Variants in SYMPK observed in about 807,000 individuals in gnomAD.
SYMPK encodes symplekin scaffold protein.
SYMPK carries 49 observed loss-of-function variants against 136.4 expected under a neutral mutation model. The ratio of observed to expected loss-of-function variants is 0.36; its 90% CI spans 0.29 to 0.46. The LOEUF (loss-of-function observed/expected upper bound fraction) is 0.46. SYMPK is among the 20% of genes least tolerant of loss of function. The probability of loss-of-function intolerance (pLI) is 1.00; values close to 1 mark genes in which losing one functional copy is unlikely to be tolerated. For missense variants in SYMPK, 1,365 were observed against 1,690.0 expected, an observed-to-expected ratio of 0.81 and a Z score of 3.37; for synonymous variants, 766 against 713.0, an observed-to-expected ratio of 1.07 and a Z score of -1.19.
intron 1 of SYMPK, among the ~76,000 whole-genome samples, chr19:45,857,125 A>G (rs1164897953): frequency 6.6e-6 from 1 of 150,470 alleles, no homozygotes; most frequent in Non-Finnish European, 1.5e-5. Context: ...AAAACAAAAC[A>G]AGGCTGGGTG....
At chr19:45,827,660 C>T in intron 15 of SYMPK, 37 bp from the exon 16 acceptor site, 1 of 1,575,434 alleles carries the variant, frequency 6.3e-7, no homozygotes, top group Non-Finnish European at 8.7e-7. Context: ...CTCAGCCCAC[C>T]TGAGTGTGCC....
chr19:45,850,494 T>A (rs1039556547), intron 5 of SYMPK, among the ~76,000 whole-genome samples: 1 of 152,130 alleles, frequency 6.6e-6, no homozygotes, highest in Non-Finnish European at 1.5e-5. Flanking sequence ...AATAAACAAA[T>A]GAGCAAGTGA....
Position 45,818,162 on chromosome 19 carries a change from G to C in SYMPK, c.2894-16C>G. The C allele has an allele frequency of 9.2e-6, 14 of 1,529,870 alleles. No individual in the cohort carries two copies. Among genetic ancestry groups the C allele is most frequent in the Non-Finnish European group, 1.2e-5 (14 of 1,133,350 alleles). 94.8% of individuals were successfully genotyped at this position (1,529,870 alleles called of 1,614,324 possible). A position where few individuals can be genotyped will look rare whatever the true frequency, so the allele number is the denominator to read the frequency against. On this transcript the variant is annotated splice_polypyrimidine_tract_variant and intron_variant, in intron 22 of 26. Coordinates refer to ENST00000245934, the MANE Select transcript of SYMPK (RefSeq NM_004819.3). ...AGGTTGGTGGCTGCGAGGAGGCGGAGAGTGGGCCTGTCCTCTCTGCCCAGC... is the reference window on the plus strand; with the variant it reads ...AGGTTGGTGGCTGCGAGGAGGCGGACAGTGGGCCTGTCCTCTCTGCCCAGC...
intron 16 of SYMPK, among the ~76,000 whole-genome samples, chr19:45,827,068 A>G (rs1157042154): frequency 2.6e-5 from 4 of 151,932 alleles, no homozygotes; most frequent in Non-Finnish European, 4.4e-5. Flanking sequence ...CTCCCTCCCC[A>G]GGGCAGCCAC....
intron 9 of SYMPK, among the ~76,000 whole-genome samples, chr19:45,840,893 A>G (rs1971420262): frequency 6.6e-6 from 1 of 152,142 alleles, no homozygotes; most frequent in South Asian, 2.1e-4. Flanking sequence ...ATGAAAGTAA[A>G]TGAAACTAAA....
chr19:45,827,195 G>A lies in SYMPK; in HGVS notation c.2181+315C>T, dbSNP rs114376716. On this transcript the variant is annotated intron_variant, in intron 16 of 26. Coordinates refer to ENST00000245934, the MANE Select transcript of SYMPK (RefSeq NM_004819.3). Reference sequence around the variant, plus strand: ...GCCCCGGCACAGGACTGGGCTGCACGAGGAGCCTGTGCTGGCCACCACGGG... The same window carrying A: ...GCCCCGGCACAGGACTGGGCTGCACAAGGAGCCTGTGCTGGCCACCACGGG... Among the ~76,000 whole-genome samples, 932 of 152,326 alleles carry A rather than the reference G, an allele frequency of 6.1e-3. 10 individuals carry two copies. The highest frequency in any genetic ancestry group is 0.019 in the African/African-American group (799 of 41,572).
chr19:45,848,929 A>G (rs1414858004), intron 5 of SYMPK, 53 bp from the exon 6 acceptor site: 1 of 1,610,432 alleles, frequency 6.2e-7, no homozygotes, highest in South Asian at 1.1e-5. Flanking sequence ...TAGAGCAAGT[A>G]GGAGGAGCCT....
chr19:45,840,312 C>CAAAAAAAA (rs546768442), intron 9 of SYMPK, among the ~76,000 whole-genome samples: 4 of 57,144 alleles, frequency 7.0e-5, no homozygotes, highest in East Asian at 3.4e-4. Context: ...GAGACTGTCT[C>CAAAAAAAA]AAAAAAAAAA....
intron 14 of SYMPK, 170 bp from the exon 15 acceptor site, chr19:45,828,088 C>T (rs1044837753): frequency 2.8e-5 from 17 of 598,258 alleles, no homozygotes; most frequent in African/African-American, 1.3e-4. Flanking sequence ...CAAAAGCTGG[C>T]GGCTGGATGA....
intron 5 of SYMPK, among the ~76,000 whole-genome samples, chr19:45,850,934 A>AG (rs145752515): frequency 0.14 from 21,656 of 151,776 alleles, 1,624 homozygotes; most frequent in South Asian, 0.18. Flanking sequence ...GAGGGAAGGG[A>AG]GGGGAGAGCC....
chr19:45,847,293 G>A (rs115177954), intron 7 of SYMPK, among the ~76,000 whole-genome samples: 21,620 of 151,778 alleles, frequency 0.14, 1,614 homozygotes, highest in South Asian at 0.18. Flanking sequence ...GTATGGTGGC[G>A]GGAGCCTGTA....
At chr19:45,860,506 GAGAA>G (rs1220852639) in intron 1 of SYMPK, among the ~76,000 whole-genome samples, 7 of 150,868 alleles carry the variant, frequency 4.6e-5, no homozygotes, top group East Asian at 1.9e-4. Context: ...GAGAGAGAAA[GAGAA>G]AGAGAGAGAG....
chr19:45,862,719 G>A (rs1972001127), intron 1 of SYMPK, among the ~76,000 whole-genome samples: 1 of 152,234 alleles, frequency 6.6e-6, no homozygotes, highest in Admixed American at 6.5e-5. Context: ...GATGTTGCAG[G>A]CAGAAGGGAC....
chr19:45,854,056 G>A, intron 3 of SYMPK, 119 bp downstream of exon 3: 1 of 970,576 alleles, frequency 1.0e-6, no homozygotes, highest in Non-Finnish European at 1.6e-6. Context: ...ACTGAGCACT[G>A]TGGCCGGCAC....
At chr19:45,817,292 A>G (rs1171764054) in intron 23 of SYMPK, among the ~76,000 whole-genome samples, 1 of 151,982 alleles carries the variant, frequency 6.6e-6, no homozygotes, top group Admixed American at 6.6e-5. Context: ...CCAGGGGGCG[A>G]AATTACCCCT....
chr19:45,817,693 T>A (rs545495085), intron 23 of SYMPK, among the ~76,000 whole-genome samples: 1 of 152,170 alleles, frequency 6.6e-6, no homozygotes, highest in Non-Finnish European at 1.5e-5. Flanking sequence ...CACACAGCGG[T>A]GGAGGGTGAG....
At chr19:45,830,340 G>T in intron 12 of SYMPK, 136 bp from the exon 13 acceptor site, 1 of 1,003,278 alleles carries the variant, frequency 1.0e-6, no homozygotes, top group Non-Finnish European at 1.4e-6. Context: ...CAGTTCCTCT[G>T]TGTCTCTGAG....
At chr19:45,818,244 C>T in intron 22 of SYMPK, 98 bp from the exon 23 acceptor site, 3 of 1,277,244 alleles carry the variant, frequency 2.3e-6, no homozygotes, top group Non-Finnish European at 3.2e-6. Flanking sequence ...GAGGGGAAGA[C>T]TTCTAAAGCC....
intron 25 of SYMPK, 71 bp from the exon 26 acceptor site, chr19:45,816,254 C>A (rs1970734607): frequency 8.1e-7 from 1 of 1,233,272 alleles, no homozygotes; most frequent in Non-Finnish European, 1.1e-6. Context: ...AGAGAAGGAA[C>A]CACCCTGAGG....
Sources: gnomAD v4.1 joint callset for allele counts (sites outside exome capture counted in the v4.1 genomes callset) on GRCh38, gnomAD v4.1.1 for gene constraint, MANE v1.5 for transcripts, NCBI Gene and HGNC (gene_info 2026-07-23, HGNC 2026-07-21) for gene names.